FAT3: variants seen among roughly 807,000 people sequenced by gnomAD.
FAT3 encodes the protein FAT atypical cadherin 3.
Under a neutral mutation model 310.2 loss-of-function variants are expected in FAT3, and 95 were observed. The ratio of observed to expected loss-of-function variants is 0.31; its 90% CI spans 0.26 to 0.36. FAT3 has a LOEUF of 0.36. Among genes scored for constraint, FAT3 ranks in the 10% least tolerant of loss-of-function variants. FAT3 has a pLI of 1.00. For synonymous variants in FAT3, 2,314 were observed against 2,192.9 expected (o/e 1.06, Z -1.54); for missense variants, 5,408 against 5,715.6 (o/e 0.95, Z 1.74).
chr11:92,636,308 G>A (rs185897028), intron 3 of FAT3, among the ~76,000 whole-genome samples: 115 of 152,194 alleles, frequency 7.6e-4, no homozygotes, highest in Admixed American at 3.5e-3. Flanking sequence ...GACTTTGGCC[G>A]TGATATGTGA....
At chr11:92,431,895 A>G (rs918064907) in intron 2 of FAT3, among the ~76,000 whole-genome samples, 9 of 152,146 alleles carry the variant, frequency 5.9e-5, no homozygotes, top group African/African-American at 2.2e-4. Flanking sequence ...TGTTTTGGTT[A>G]CTGTGGCCTT....
At chr11:92,780,569 A>G (rs1220125714) in intron 7 of FAT3, among the ~76,000 whole-genome samples, 3 of 152,340 alleles carry the variant, frequency 2.0e-5, no homozygotes, top group Admixed American at 6.5e-5. Context: ...TAACTAGAGT[A>G]GATCAGGGTT....
intron 2 of FAT3, among the ~76,000 whole-genome samples, chr11:92,497,545 G>T (rs900176265): frequency 6.6e-6 from 1 of 152,062 alleles, no homozygotes; most frequent in Non-Finnish European, 1.5e-5. Flanking sequence ...GAGGCTGTGA[G>T]AAATGTAATA....
At position 92,790,037 on chromosome 11, in the gene FAT3, C is replaced by T. The variant is rs375548582; in HGVS notation, c.4430C>T (p.Thr1477Met). The change falls in exon 8 of 28, where the codon ACG (threonine) becomes ATG (methionine). Residue 1477 changes from threonine to methionine, a missense_variant. Thr to Met is a moderately conservative substitution (Grantham distance 81). Transcript: ENST00000525166. Reference protein sequence around the residue: ...VTISEDVLPDTEILQIEATDR... With the variant: ...VTISEDVLPDMEILQIEATDR... ...ATTTCCGAGGATGTGCTTCCAGACA[C>T]GGAGATCCTGCAGATTGAAGCCACA... 6.8e-5 allele frequency: 110 copies of T among 1,613,686 alleles called. No homozygotes were observed. The highest frequency in any genetic ancestry group is 8.2e-5 in the Non-Finnish European group (97 of 1,179,746).
chr11:92,641,621 T>C (rs1042936111), intron 3 of FAT3, among the ~76,000 whole-genome samples: 4 of 152,190 alleles, frequency 2.6e-5, no homozygotes, highest in African/African-American at 9.7e-5. Context: ...CTTTCTCTTA[T>C]AAGGATATCT....
At chr11:92,375,861 C>G (rs539318154) in intron 2 of FAT3, among the ~76,000 whole-genome samples, 2 of 152,270 alleles carry the variant, frequency 1.3e-5, no homozygotes, top group African/African-American at 4.8e-5. Context: ...AAAATCATAG[C>G]TAACATCTGA....
At chr11:92,435,998 A>G (rs1459492924) in intron 2 of FAT3, among the ~76,000 whole-genome samples, 2 of 152,230 alleles carry the variant, frequency 1.3e-5, no homozygotes, top group African/African-American at 4.8e-5. Flanking sequence ...ATATATACAC[A>G]TGAATTAAAG....
chr11:92,342,659 C>T (rs901753204), intron 1 of FAT3, among the ~76,000 whole-genome samples: 1 of 152,014 alleles, frequency 6.6e-6, no homozygotes, highest in Non-Finnish European at 1.5e-5. Flanking sequence ...ATGATTTGGC[C>T]CCTTTTCTCT....
intron 3 of FAT3, among the ~76,000 whole-genome samples, chr11:92,532,353 G>T (rs1954110830): frequency 6.6e-6 from 1 of 151,880 alleles, no homozygotes; most frequent in Non-Finnish European, 1.5e-5. Context: ...GTTTTCCCTT[G>T]GCTTTGGGTT....
intron 2 of FAT3, among the ~76,000 whole-genome samples, chr11:92,439,739 G>A (rs1951023975): frequency 6.6e-6 from 1 of 152,030 alleles, no homozygotes; most frequent in Admixed American, 6.6e-5. Context: ...AATATAGGGA[G>A]ACCCTGTCTC....
At chr11:92,239,898 T>TA (rs1202086042) in intron 1 of FAT3, among the ~76,000 whole-genome samples, 2 of 152,118 alleles carry the variant, frequency 1.3e-5, no homozygotes, top group African/African-American at 2.4e-5. Context: ...AGGTCATTAC[T>TA]AAAAGGCTTC....
intron 4 of FAT3, among the ~76,000 whole-genome samples, chr11:92,740,512 A>G (rs1945478004): frequency 2.6e-5 from 4 of 152,224 alleles, no homozygotes; most frequent in Non-Finnish European, 2.9e-5. Context: ...AAAGTGAAGA[A>G]TCATTGGAGT....
Position 92,354,254 on chromosome 11 carries a change from C to T in FAT3, c.2142C>T (p.Asp714=). 2.5e-6 allele frequency: 4 copies of T among 1,613,640 alleles called. No homozygotes were observed. Among genetic ancestry groups the T allele is most frequent in the Non-Finnish European group, 2.5e-6 (3 of 1,179,840 alleles). Reference sequence around the variant, plus strand: ...TGAATCTGGAAGATGGATTTCTTGACTTTTATTCAATTAATAGACAGGGAC... The same window carrying T: ...TGAATCTGGAAGATGGATTTCTTGATTTTTATTCAATTAATAGACAGGGAC... ...GKLNLEDGFL[D]FYSINRQGPY... is the part of the protein sequence containing the mutation. The change falls in exon 2 of 28, where the codon GAC becomes GAT. Residue 714 remains aspartate (D), a synonymous_variant. Coordinates refer to ENST00000525166, the MANE Select transcript of FAT3 (RefSeq NM_001367949.2).
intron 3 of FAT3, among the ~76,000 whole-genome samples, chr11:92,537,306 A>T (rs1954293507): frequency 6.6e-6 from 1 of 152,150 alleles, no homozygotes; most frequent in East Asian, 1.9e-4. Context: ...AAATGCAGTT[A>T]ATCAGGTCTT....
intron 4 of FAT3, among the ~76,000 whole-genome samples, chr11:92,740,433 TA>T (rs60304542): frequency 1.3e-5 from 2 of 152,356 alleles, no homozygotes; most frequent in East Asian, 3.9e-4. Context: ...GACTTCATGA[TA>T]GGGGCTGCCT....
intron 3 of FAT3, among the ~76,000 whole-genome samples, chr11:92,671,705 T>C (rs1175396624): frequency 3.3e-5 from 5 of 152,206 alleles, no homozygotes; most frequent in Non-Finnish European, 7.3e-5. Flanking sequence ...GTACATTCCA[T>C]GAAGGCATGC....
chr11:92,466,482 G>A (rs1258725082), intron 2 of FAT3, among the ~76,000 whole-genome samples: 1 of 151,830 alleles, frequency 6.6e-6, no homozygotes, highest in Non-Finnish European at 1.5e-5. Flanking sequence ...TATCACTTAT[G>A]CACTCAGCAT....
intron 3 of FAT3, among the ~76,000 whole-genome samples, chr11:92,602,039 G>A (rs969812851): frequency 5.9e-5 from 9 of 151,946 alleles, no homozygotes; most frequent in South Asian, 2.1e-4. Context: ...TTGTGGGCAC[G>A]GCATAGTCCT....
intron 2 of FAT3, among the ~76,000 whole-genome samples, chr11:92,511,373 CTT>C (rs1251504990): frequency 6.6e-6 from 1 of 151,794 alleles, no homozygotes; most frequent in Non-Finnish European, 1.5e-5. Context: ...CTGGTTGACT[CTT>C]CTTTTTTTTT....
Sources: allele counts gnomAD v4.1 joint callset (sites outside exome capture counted in the v4.1 genomes callset), GRCh38; gene constraint gnomAD v4.1.1; transcripts MANE v1.5; gene names NCBI Gene and HGNC (gene_info 2026-07-23, HGNC 2026-07-21).